TCF12: variants seen among roughly 807,000 people sequenced by gnomAD.
TCF12 encodes the protein DNA-binding protein HTF4.
Under a neutral mutation model 86.0 loss-of-function variants are expected in TCF12, and 45 were observed. That is an observed-to-expected ratio of 0.52 (90% CI 0.41 to 0.67). The LOEUF (loss-of-function observed/expected upper bound fraction) is 0.67, where lower values mean the gene tolerates loss of function less well. Ranked by LOEUF, TCF12 falls within the 30% of genes least tolerant of loss-of-function variation. The probability of loss-of-function intolerance (pLI) is 0.00; values close to 1 mark genes in which losing one functional copy is unlikely to be tolerated. For synonymous variants in TCF12, 330 were observed against 299.6 expected, an observed-to-expected ratio of 1.10 and a Z score of -1.05; for missense variants, 881 against 859.9, an observed-to-expected ratio of 1.02 and a Z score of -0.31.
At chr15:57,019,261 G>C (rs897677832) in intron 3 of TCF12, among the ~76,000 whole-genome samples, 1 of 152,150 alleles carries the variant, frequency 6.6e-6, no homozygotes, top group African/African-American at 2.4e-5. Flanking sequence ...GAACAGATTA[G>C]TATTATTTAA....
intron 16 of TCF12, among the ~76,000 whole-genome samples, chr15:57,254,452 T>A (rs2060254177): frequency 6.6e-6 from 1 of 152,192 alleles, no homozygotes; most frequent in South Asian, 2.1e-4. Context: ...ATTAGATACC[T>A]GTTTTGTGTT....
intron 3 of TCF12, among the ~76,000 whole-genome samples, chr15:56,947,147 C>G (rs1442106507): frequency 4.6e-5 from 7 of 152,146 alleles, no homozygotes; most frequent in Non-Finnish European, 8.8e-5. Flanking sequence ...GCTAAGCATT[C>G]TGAGGTCTTT....
intron 3 of TCF12, among the ~76,000 whole-genome samples, chr15:56,965,085 A>G (rs1026653845): frequency 3.9e-5 from 6 of 152,192 alleles, no homozygotes; most frequent in African/African-American, 1.2e-4. Flanking sequence ...CTAGATGCTT[A>G]GGAGATGCCT....
chr15:56,964,568 G>C (rs903675242), intron 3 of TCF12, among the ~76,000 whole-genome samples: 1 of 152,052 alleles, frequency 6.6e-6, no homozygotes, highest in Non-Finnish European at 1.5e-5. Flanking sequence ...TTTTACTTTT[G>C]TCATGAAGTT....
In TCF12 at chr15:57,045,979, G is replaced by A. The variant is rs928608862; in HGVS notation, c.149-17771G>A. Among the ~76,000 whole-genome samples, 7 of 152,308 alleles carry A rather than the reference G, an allele frequency of 4.6e-5. 1 individual carries two copies. In the South Asian group the frequency reaches 6.2e-4, roughly 14 times the overall value. The stretch of plus-strand genomic sequence containing the variant: ...CTTAGACCCAGCAACTTCATAAGCA[G>A]CAGATGACTGCCTTCCACGATTTTC... On this transcript the variant is annotated intron_variant, in intron 3 of 20. Coordinates refer to ENST00000333725, the MANE Select transcript of TCF12 (RefSeq NM_207037.2).
intron 5 of TCF12, among the ~76,000 whole-genome samples, chr15:57,099,016 G>A (rs1462577974): frequency 6.6e-6 from 1 of 152,094 alleles, no homozygotes; most frequent in African/African-American, 2.4e-5. Context: ...TTTCCAGATT[G>A]CTCTAAATTG....
rs528345675 is a variant in TCF12 at position 57,212,800 on chromosome 15, C to T, written c.579+14975C>T. Among the ~76,000 whole-genome samples the T allele has an allele frequency of 2.6e-5, 4 of 152,244 alleles. No individual in the cohort carries two copies. In the South Asian group the frequency reaches 6.2e-4, roughly 24 times the overall value. ...GAAAATTAGGCTCAGGGAGAGTCAA[C>T]GACCTACCCTAAGCTCTCTTGCCTC... is the stretch of plus-strand genomic sequence containing the variant. On this transcript the variant is annotated intron_variant, in intron 8 of 20. Coordinates refer to ENST00000333725, the MANE Select transcript of TCF12 (RefSeq NM_207037.2).
At chr15:56,991,726 G>A (rs1418312826) in intron 3 of TCF12, among the ~76,000 whole-genome samples, 1 of 152,080 alleles carries the variant, frequency 6.6e-6, no homozygotes, top group Non-Finnish European at 1.5e-5. Flanking sequence ...CTCATTTTTT[G>A]TGTACCTTAA....
At position 57,287,668 on chromosome 15, in the gene TCF12, CAG is replaced by C. The variant is rs1343578623; in HGVS notation, c.*1526_*1527del. 1 of 152,626 alleles carries C rather than the reference CAG, an allele frequency of 6.6e-6. No homozygotes were observed. Among genetic ancestry groups the C allele is most frequent in the African/African-American group, 2.4e-5 (1 of 41,442 alleles). 9.5% of individuals were successfully genotyped at this position (152,626 alleles called of 1,614,324 possible). On this transcript the variant is annotated 3_prime_UTR_variant, in exon 21 of 21. Transcript: ENST00000333725. ...AATATCAACAGTGGCAATCAGCACA[CAG>C]AGGAAAGGACCCAAATCACTATGTA...
chr15:56,951,735 G>C (rs1165123220), intron 3 of TCF12, among the ~76,000 whole-genome samples: 2 of 152,138 alleles, frequency 1.3e-5, no homozygotes, highest in South Asian at 4.2e-4. Flanking sequence ...CTGCAGCCTC[G>C]ACCATCCAGG....
intron 3 of TCF12, among the ~76,000 whole-genome samples, chr15:56,987,517 A>G (rs1218320427): frequency 6.6e-6 from 1 of 152,190 alleles, no homozygotes; most frequent in East Asian, 1.9e-4. Flanking sequence ...TCATGAGGAA[A>G]ACAGGGAGAG....
intron 3 of TCF12, among the ~76,000 whole-genome samples, chr15:57,020,606 C>T (rs1170257412): frequency 6.6e-6 from 1 of 152,220 alleles, no homozygotes; most frequent in African/African-American, 2.4e-5. Flanking sequence ...TTATGTCTTA[C>T]TCAAAGCTAA....
chr15:57,162,502 G>A (rs2054573134), intron 5 of TCF12, among the ~76,000 whole-genome samples: 1 of 152,120 alleles, frequency 6.6e-6, no homozygotes, highest in African/African-American at 2.4e-5. Context: ...AAATAAAAAT[G>A]TATTTACAGT....
intron 7 of TCF12, 91 bp from the exon 8 acceptor site, chr15:57,197,682 G>A: frequency 6.9e-7 from 1 of 1,443,472 alleles, no homozygotes; most frequent in Admixed American, 2.0e-5. Context: ...AAACAAGAAA[G>A]ACGCTAGGGG....
chr15:57,067,538 CAAAAAA>C lies in TCF12; in HGVS notation c.222+3735_222+3740del, dbSNP rs141377160. Among the ~76,000 whole-genome samples, 141 of 58,550 alleles carry C rather than the reference CAAAAAA, an allele frequency of 2.4e-3. 1 individual carries two copies. Among genetic ancestry groups the C allele is most frequent in the Middle Eastern group, 0.029 (2 of 70 alleles). The allele number at this position is 58,550 out of a possible 152,430, so 38.4% of individuals were successfully genotyped here. On this transcript the variant is annotated intron_variant, in intron 4 of 20. Transcript: ENST00000333725. ...TGGGCGACAGAGCGAGACTCCGTCT[CAAAAAA>C]AAAAAAAAAAAAAAAAAAAGAGTGG...
chr15:57,020,594 C>G (rs927929761), intron 3 of TCF12, among the ~76,000 whole-genome samples: 14 of 152,132 alleles, frequency 9.2e-5, no homozygotes, highest in African/African-American at 3.4e-4. Flanking sequence ...TGTAGAGAAC[C>G]ATTATGTCTT....
chr15:57,199,626 A>G (rs2057436449), intron 8 of TCF12, among the ~76,000 whole-genome samples: 2 of 152,156 alleles, frequency 1.3e-5, no homozygotes, highest in Non-Finnish European at 2.9e-5. Context: ...AATCGTAATA[A>G]CATTCATTAC....
chr15:56,948,898 G>C (rs1328832379), intron 3 of TCF12, among the ~76,000 whole-genome samples: 1 of 152,176 alleles, frequency 6.6e-6, no homozygotes, highest in Non-Finnish European at 1.5e-5. Flanking sequence ...AGAAATTATA[G>C]CCTAGAAGAA....
At chr15:57,237,618 C>G (rs2059433716) in intron 12 of TCF12, among the ~76,000 whole-genome samples, 2 of 152,136 alleles carry the variant, frequency 1.3e-5, no homozygotes, top group South Asian at 4.2e-4. Flanking sequence ...TGTTTATGCT[C>G]TAGACTCTAA....
Sources: gnomAD v4.1 joint callset for allele counts (sites outside exome capture counted in the v4.1 genomes callset) on GRCh38, gnomAD v4.1.1 for gene constraint, MANE v1.5 for transcripts, NCBI Gene and HGNC (gene_info 2026-07-23, HGNC 2026-07-21) for gene names.